GALNT10: variants seen among roughly 807,000 people sequenced by gnomAD.
The protein encoded by GALNT10 is GalNAc transferase 10.
GALNT10 carries 41 observed loss-of-function variants against 75.0 expected under a neutral mutation model. That is an observed-to-expected ratio of 0.55 (90% CI 0.43 to 0.71). The LOEUF (loss-of-function observed/expected upper bound fraction) is 0.71. Ranked by LOEUF, GALNT10 falls within the 30% of genes least tolerant of loss-of-function variation. The probability of loss-of-function intolerance (pLI) is 0.00; values close to 1 mark genes in which losing one functional copy is unlikely to be tolerated. For missense variants in GALNT10, 727 were observed against 818.5 expected (o/e 0.89, Z 1.36); for synonymous variants, 302 against 313.0 (o/e 0.96, Z 0.37).
chr5:154,191,032 C>T lies in GALNT10; in HGVS notation c.159+7C>T, dbSNP rs1017146815. The T allele has an allele frequency of 8.5e-6, 12 of 1,411,524 alleles. No individual in the cohort carries two copies. The highest frequency in any genetic ancestry group is 7.5e-5 in the Admixed American group (3 of 40,032). 87.4% of individuals were successfully genotyped at this position (1,411,524 alleles called of 1,614,324 possible). ...GGCGCCGGCGGCGGGACAGGTGAGT[C>T]CCCCCGTTGCTACAGGCCGGGAACA... is the stretch of plus-strand genomic sequence containing the variant. On this transcript the variant is annotated splice_region_variant and intron_variant, in intron 1 of 11. Coordinates refer to ENST00000297107, the MANE Select transcript of GALNT10 (RefSeq NM_198321.4).
At chr5:154,370,290 C>T (rs1755546328) in intron 4 of GALNT10, among the ~76,000 whole-genome samples, 1 of 152,236 alleles carries the variant, frequency 6.6e-6, no homozygotes, top group Non-Finnish European at 1.5e-5. Context: ...ATTCACAGAA[C>T]TTGCCCTCAT....
At position 154,412,513 on chromosome 5, in the gene GALNT10, T is replaced by C. The variant is rs1582020770; in HGVS notation, c.1387-376T>C. The C allele has an allele frequency of 3.7e-6, 1 of 268,042 alleles. No homozygotes were observed. The highest frequency in any genetic ancestry group is 1.3e-4 in the East Asian group (1 of 7,820). 16.6% of individuals were successfully genotyped at this position (268,042 alleles called of 1,614,324 possible). A position where few individuals can be genotyped will look rare whatever the true frequency, so the allele number is the denominator to read the frequency against. On this transcript the variant is annotated intron_variant, in intron 9 of 11. Transcript: ENST00000297107. This position sits in a 1 kb window ranked among gnomAD's most constrained non-coding sequence, Gnocchi z 4.2. ...CTAGGCGCTTTCAAGGTATGGTCCCTGGACCACCTGCACCTGAGTCACCTG... is the reference window on the plus strand; with the variant it reads ...CTAGGCGCTTTCAAGGTATGGTCCCCGGACCACCTGCACCTGAGTCACCTG...
At chr5:154,214,380 A>G (rs1016626020) in intron 1 of GALNT10, among the ~76,000 whole-genome samples, 9 of 152,058 alleles carry the variant, frequency 5.9e-5, no homozygotes, top group African/African-American at 2.2e-4. Flanking sequence ...CTGCCGGTTC[A>G]TTGTGGAATT....
chr5:154,241,723 T>C (rs1168041320), intron 1 of GALNT10, among the ~76,000 whole-genome samples: 1 of 152,228 alleles, frequency 6.6e-6, no homozygotes, highest in African/African-American at 2.4e-5. Flanking sequence ...TGAATTCTAG[T>C]TTCTTTAACC....
At chr5:154,197,202 T>C (rs1292859629) in intron 1 of GALNT10, among the ~76,000 whole-genome samples, 1 of 152,184 alleles carries the variant, frequency 6.6e-6, no homozygotes, top group Non-Finnish European at 1.5e-5. Flanking sequence ...GCTGTCTTTA[T>C]TGAATCTTAC....
intron 7 of GALNT10, among the ~76,000 whole-genome samples, chr5:154,393,542 A>G (rs191383634): frequency 3.2e-4 from 48 of 152,334 alleles, no homozygotes; most frequent in African/African-American, 1.1e-3. Flanking sequence ...AAAAGTTACA[A>G]GAAGAAGGGG....
chr5:154,363,172 A>G (rs939083687), intron 4 of GALNT10, among the ~76,000 whole-genome samples: 2 of 152,226 alleles, frequency 1.3e-5, no homozygotes, highest in African/African-American at 2.4e-5. Context: ...AGAAATAAGC[A>G]TAAGAAGATT....
chr5:154,215,296 C>T (rs1043908908), intron 1 of GALNT10, among the ~76,000 whole-genome samples: 3 of 152,138 alleles, frequency 2.0e-5, no homozygotes, highest in Admixed American at 1.3e-4. Context: ...TCCTAGCTAA[C>T]ACAGTGAAAC....
At chr5:154,414,905 C>T (rs1474141573) in intron 10 of GALNT10, among the ~76,000 whole-genome samples, 1 of 152,080 alleles carries the variant, frequency 6.6e-6, no homozygotes, top group African/African-American at 2.4e-5. Context: ...TGGCAGATCA[C>T]CTGAGGTTAG....
chr5:154,231,345 T>C (rs1753146778), intron 1 of GALNT10, among the ~76,000 whole-genome samples: 1 of 152,230 alleles, frequency 6.6e-6, no homozygotes, highest in African/African-American at 2.4e-5. Context: ...ACAAAGCTGA[T>C]AACATCGTCT....
intron 1 of GALNT10, 25 bp from the exon 2 acceptor site, chr5:154,294,791 T>C: frequency 8.0e-7 from 1 of 1,248,088 alleles, no homozygotes; most frequent in Non-Finnish European, 1.2e-6. Flanking sequence ...TTTTCTATTT[T>C]TCATAGTTTT....
intron 1 of GALNT10, among the ~76,000 whole-genome samples, chr5:154,284,023 TG>T (rs1335855116): frequency 2.0e-5 from 3 of 152,180 alleles, no homozygotes; most frequent in Non-Finnish European, 4.4e-5. Flanking sequence ...CTGGTGCAAC[TG>T]AGAGGAAGGA....
At chr5:154,268,900 G>A (rs986044283) in intron 1 of GALNT10, among the ~76,000 whole-genome samples, 12 of 152,142 alleles carry the variant, frequency 7.9e-5, no homozygotes, top group South Asian at 2.1e-4. Context: ...ACTTTGGGAG[G>A]CCAAGGCGAA....
At chr5:154,362,712 T>C (rs1755412120) in intron 4 of GALNT10, among the ~76,000 whole-genome samples, 1 of 152,226 alleles carries the variant, frequency 6.6e-6, no homozygotes. Context: ...TTGAGTCTTT[T>C]TTATGGTTAG....
chr5:154,198,955 T>C (rs1458946843), intron 1 of GALNT10, among the ~76,000 whole-genome samples: 1 of 152,248 alleles, frequency 6.6e-6, no homozygotes, highest in African/African-American at 2.4e-5. Flanking sequence ...TATAAATCTG[T>C]CACGCAATGC....
At chr5:154,251,492 A>G (rs1753523296) in intron 1 of GALNT10, among the ~76,000 whole-genome samples, 2 of 152,100 alleles carry the variant, frequency 1.3e-5, no homozygotes, top group Non-Finnish European at 2.9e-5. Context: ...CTTTTTGCAA[A>G]TTGGCAGCTG....
chr5:154,394,452 C>G (rs1422666), intron 7 of GALNT10, among the ~76,000 whole-genome samples: 32,965 of 151,896 alleles, frequency 0.22, 3,851 homozygotes, highest in South Asian at 0.27. Flanking sequence ...ATATTGCAAC[C>G]TGGCCCAGAG....
At chr5:154,268,237 T>C (rs507390) in intron 1 of GALNT10, among the ~76,000 whole-genome samples, 9,802 of 152,176 alleles carry the variant, frequency 0.064, 864 homozygotes, top group African/African-American at 0.2. Context: ...CATGACGTCA[T>C]TTCAAATATT....
chr5:154,334,088 T>C (rs1754905814), intron 4 of GALNT10, among the ~76,000 whole-genome samples: 1 of 152,236 alleles, frequency 6.6e-6, no homozygotes, highest in South Asian at 2.1e-4. Context: ...AATTCATAGA[T>C]GCTAACTACA....
Sources: gnomAD v4.1 joint callset for allele counts (sites outside exome capture counted in the v4.1 genomes callset) on GRCh38, gnomAD v4.1.1 for gene constraint, Gnocchi (gnomAD v3.1) non-coding constraint, MANE v1.5 for transcripts, NCBI Gene and HGNC (gene_info 2026-07-23, HGNC 2026-07-21) for gene names.